The following CTBP2 variants were observed in gnomAD, a reference collection of about 807,000 sequenced individuals.
CTBP2 encodes the protein C-terminal-binding protein 2.
CTBP2 carries 30 observed loss-of-function variants against 80.3 expected under a neutral mutation model. The ratio of observed to expected loss-of-function variants is 0.37; its 90% CI spans 0.28 to 0.51. The LOEUF is 0.51. Among genes scored for constraint, CTBP2 ranks in the 20% least tolerant of loss-of-function variants. The pLI, the probability that CTBP2 is intolerant of heterozygous loss-of-function variation, is 0.93. For synonymous variants in CTBP2, 594 were observed against 587.4 expected, an observed-to-expected ratio of 1.01 and a Z score of -0.16; for missense variants, 1,212 against 1,375.3, an observed-to-expected ratio of 0.88 and a Z score of 1.88.
Position 125,023,972 on chromosome 10 carries a change from T to C in CTBP2, c.1678+2110A>G, listed in dbSNP as rs543215878. 2.6e-3 allele frequency among the ~76,000 whole-genome samples: 396 copies of C among 152,268 alleles called. 2 individuals carry two copies. The highest frequency in any genetic ancestry group is 9.1e-3 in the African/African-American group (379 of 41,542). ...GAGTTAGGCGGCACCAGAACGAAGA[T>C]GCGTTCAGGCTGGCGGCGTCCCAAA... On this transcript the variant is annotated intron_variant, in intron 1 of 8. Coordinates refer to ENST00000309035, the MANE Select transcript of CTBP2 (RefSeq NM_022802.3).
At chr10:125,065,973 C>T (rs1564837642) in intron 2 of CTBP2, among the ~76,000 whole-genome samples, 1 of 151,798 alleles carries the variant, frequency 6.6e-6, no homozygotes, top group South Asian at 2.1e-4. Context: ...TGGTGGCATG[C>T]GCCTGTAATC....
intron 2 of CTBP2, among the ~76,000 whole-genome samples, chr10:125,076,990 A>C (rs1477560124): frequency 6.6e-6 from 1 of 152,168 alleles, no homozygotes; most frequent in African/African-American, 2.4e-5. Flanking sequence ...ATGTCATCCA[A>C]ACTTTTACTT....
intron 2 of CTBP2, among the ~76,000 whole-genome samples, chr10:125,053,746 G>T (rs1233173613): frequency 6.6e-6 from 1 of 152,052 alleles, no homozygotes; most frequent in African/African-American, 2.4e-5. Context: ...AGGTGTAGAC[G>T]GGTCTGATGA....
intron 2 of CTBP2, among the ~76,000 whole-genome samples, chr10:125,043,760 C>T (rs1960505331): frequency 6.6e-6 from 1 of 152,196 alleles, no homozygotes; most frequent in African/African-American, 2.4e-5. Flanking sequence ...CTTGACTCCA[C>T]TTCCTAGCCT....
chr10:124,994,116 G>A, intron 5 of CTBP2, 131 bp from the exon 8 acceptor site: 2 of 1,287,538 alleles, frequency 1.6e-6, no homozygotes, highest in African/African-American at 1.5e-5. Flanking sequence ...TGCAGTTTGA[G>A]GGAAGGGAGT....
intron 1 of CTBP2, among the ~76,000 whole-genome samples, chr10:125,010,219 T>TAAAAAA (rs59517853): frequency 9.4e-6 from 1 of 105,988 alleles, no homozygotes; most frequent in African/African-American, 3.7e-5. Context: ...ATTTTAAGGT[T>TAAAAAA]AAAAAAAAAA....
Position 125,052,096 on chromosome 10 carries a change from C to T in CTBP2, c.-101-12941G>A, listed in dbSNP as rs188019754. ...ACCCGAGCACGCCAACACATGCCAACAGACGGGAGGCTCGCACCTATCGGT... is the reference window on the plus strand; with the variant it reads ...ACCCGAGCACGCCAACACATGCCAATAGACGGGAGGCTCGCACCTATCGGT... On this transcript the variant is annotated intron_variant, in intron 2 of 10. Transcript: ENST00000337195. Among the ~76,000 whole-genome samples, 8 of 152,340 alleles carry T rather than the reference C, an allele frequency of 5.3e-5. No homozygotes were observed. In the East Asian group the frequency reaches 1.5e-3, roughly 29 times the overall value.
chr10:125,109,800 C>G (rs1852011687), intron 2 of CTBP2, among the ~76,000 whole-genome samples: 1 of 152,232 alleles, frequency 6.6e-6, no homozygotes, highest in Non-Finnish European at 1.5e-5. Context: ...CAGCCCAATC[C>G]ACCTGTTCGA....
At chr10:125,010,463 G>C (rs571041219) in intron 1 of CTBP2, among the ~76,000 whole-genome samples, 1 of 152,276 alleles carries the variant, frequency 6.6e-6, no homozygotes, top group East Asian at 1.9e-4. Context: ...TGAGTTTTAA[G>C]TATCACCTGA....
intron 2 of CTBP2, among the ~76,000 whole-genome samples, chr10:125,049,885 C>T (rs1053669752): frequency 6.6e-6 from 1 of 152,176 alleles, no homozygotes; most frequent in Admixed American, 6.5e-5. Flanking sequence ...CGCTCCAACT[C>T]TTCTGCCCAG....
At chr10:125,058,074 A>G (rs549551113) in intron 2 of CTBP2, among the ~76,000 whole-genome samples, 1 of 152,150 alleles carries the variant, frequency 6.6e-6, no homozygotes, top group African/African-American at 2.4e-5. Flanking sequence ...TCTCGGAGTT[A>G]GTATTCTGCT....
intron 2 of CTBP2, among the ~76,000 whole-genome samples, chr10:125,084,910 C>A (rs1847752254): frequency 6.6e-6 from 1 of 152,218 alleles, no homozygotes; most frequent in Non-Finnish European, 1.5e-5. Context: ...GCCATGAGTT[C>A]CGCCGTCGCC....
chr10:125,065,135 T>C (rs55766533), intron 2 of CTBP2, among the ~76,000 whole-genome samples: 35,616 of 152,156 alleles, frequency 0.23, 5,059 homozygotes, highest in Middle Eastern at 0.38. Flanking sequence ...CAAACCACTC[T>C]GCACAAAAAC....
At chr10:125,002,018 C>T (rs1954587580) in intron 3 of CTBP2, among the ~76,000 whole-genome samples, 1 of 152,232 alleles carries the variant, frequency 6.6e-6, no homozygotes, top group African/African-American at 2.4e-5. Context: ...CCGGGGCCCA[C>T]TGGGGCCTTA....
At chr10:125,113,945 T>C (rs758387164) in intron 1 of CTBP2, among the ~76,000 whole-genome samples, 6 of 152,206 alleles carry the variant, frequency 3.9e-5, no homozygotes, top group African/African-American at 7.2e-5. Flanking sequence ...TTAAAGCAAG[T>C]GCTCGTTGTT....
chr10:125,112,694 T>C (rs12763981), intron 1 of CTBP2, among the ~76,000 whole-genome samples: 1,954 of 152,244 alleles, frequency 0.013, 14 homozygotes, highest in Middle Eastern at 0.02. Flanking sequence ...CCCAAAGTGC[T>C]GGGATACAGG....
intron 1 of CTBP2, among the ~76,000 whole-genome samples, chr10:125,129,076 T>C (rs1855728071): frequency 6.6e-6 from 1 of 152,026 alleles, no homozygotes; most frequent in Admixed American, 6.5e-5. Context: ...TGTCATAATA[T>C]ACATACATAT....
At chr10:125,080,353 G>A (rs1846996406) in intron 2 of CTBP2, among the ~76,000 whole-genome samples, 1 of 152,118 alleles carries the variant, frequency 6.6e-6, no homozygotes, top group South Asian at 2.1e-4. Context: ...ACCAAGCAGT[G>A]GTAGCCACCA....
intron 2 of CTBP2, among the ~76,000 whole-genome samples, chr10:125,072,936 T>G (rs1346396100): frequency 2.0e-5 from 3 of 152,242 alleles, no homozygotes. Context: ...GACTACAGTT[T>G]TGGCAATCAT....
Sources: gnomAD v4.1 joint callset for allele counts (sites outside exome capture counted in the v4.1 genomes callset) on GRCh38, gnomAD v4.1.1 for gene constraint, MANE v1.5 for transcripts, NCBI Gene and HGNC (gene_info 2026-07-23, HGNC 2026-07-21) for gene names.